The following FANCM variants were observed in gnomAD, a reference collection of about 807,000 sequenced individuals.
FANCM encodes FA complementation group M, also known as Fanconi anemia group M protein.
In FANCM, 140 loss-of-function variants were observed where a neutral mutation model predicts 199.5. The ratio of observed to expected loss-of-function variants is 0.70; its 90% CI spans 0.61 to 0.81. The LOEUF (loss-of-function observed/expected upper bound fraction) is 0.81, where lower values mean the gene tolerates loss of function less well. FANCM is among the 30% of genes least tolerant of loss of function. The probability of loss-of-function intolerance (pLI) is 0.00; values close to 1 mark genes in which losing one functional copy is unlikely to be tolerated. For synonymous variants in FANCM, 840 were observed against 836.8 expected, an observed-to-expected ratio of 1.00 and a Z score of -0.07; for missense variants, 2,410 against 2,421.4, an observed-to-expected ratio of 1.00 and a Z score of 0.10.
chr14:45,141,064 G>A (rs570992668), intron 3 of FANCM, among the ~76,000 whole-genome samples: 2 of 152,004 alleles, frequency 1.3e-5, no homozygotes, highest in South Asian at 2.1e-4. Context: ...CAAGGTGGGC[G>A]GATCACAAGG....
intron 16 of FANCM, among the ~76,000 whole-genome samples, chr14:45,183,439 ATCT>A (rs1473588470): frequency 5.3e-5 from 8 of 152,118 alleles, no homozygotes; most frequent in African/African-American, 1.9e-4. Flanking sequence ...GCCCTTGAAG[ATCT>A]TCTGAAGGAA....
rs761915062 is a variant in FANCM at position 45,154,006 on chromosome 14, G to A, written c.1137G>A (p.Met379Ile). 6.3e-7 allele frequency: 1 copy of A among 1,580,750 alleles called. No individual in the cohort carries two copies. Among genetic ancestry groups the A allele is most frequent in the Non-Finnish European group, 8.7e-7 (1 of 1,149,740 alleles). ...HGYELLQQMG[M>I]RSLYFFLCGI... is the part of the protein sequence containing the mutation. ...ATGAATTATTGCAGCAAATGGGAAT[G>A]AGATCATTATATTTCTTCCTTTGTG... The change falls in exon 6 of 23, where the codon ATG becomes ATA. Residue 379 changes from methionine (M) to isoleucine (I), a missense_variant. Met to Ile is a conservative substitution (Grantham distance 10). Transcript: ENST00000267430.
intron 12 of FANCM, 100 bp downstream of exon 12, chr14:45,170,846 A>G (rs2139227633): frequency 4.2e-6 from 4 of 957,540 alleles, no homozygotes; most frequent in African/African-American, 1.6e-5. Context: ...AGCTTTGGGA[A>G]TAATGAGATA....
chr14:45,141,453 T>G (rs1885937284), intron 3 of FANCM, among the ~76,000 whole-genome samples: 1 of 150,780 alleles, frequency 6.6e-6, no homozygotes. Context: ...TTTTTTTCAG[T>G]GGTTGCAGGA....
At chr14:45,192,260 T>G (rs1479062247) in intron 20 of FANCM, among the ~76,000 whole-genome samples, 1 of 152,186 alleles carries the variant, frequency 6.6e-6, no homozygotes, top group Non-Finnish European at 1.5e-5. Context: ...GGGCAAACAG[T>G]TAGGCTGATA....
At position 45,200,667 on chromosome 14, in the gene FANCM, C is replaced by G. The variant is rs1202194345; in HGVS notation, c.*659C>G. The stretch of plus-strand genomic sequence containing the variant: ...TATATTGGGGAGGGACCTCCTGGAA[C>G]GTGATTAGCTCATGGGGGCGGTTCC... On this transcript the variant is annotated 3_prime_UTR_variant, in exon 23 of 23. Coordinates refer to ENST00000267430, the MANE Select transcript of FANCM (RefSeq NM_020937.4). The G allele has an allele frequency of 1.3e-5, 2 of 152,234 alleles. No homozygotes were observed. Among genetic ancestry groups the G allele is most frequent in the African/African-American group, 4.8e-5 (2 of 41,428 alleles). 9.4% of individuals were successfully genotyped at this position (152,234 alleles called of 1,614,324 possible). A position where few individuals can be genotyped will look rare whatever the true frequency, so the allele number is the denominator to read the frequency against.
At chr14:45,139,356 G>A (rs1885750756) in intron 2 of FANCM, among the ~76,000 whole-genome samples, 1 of 152,108 alleles carries the variant, frequency 6.6e-6, no homozygotes, top group Non-Finnish European at 1.5e-5. Context: ...ATTTGTTTTT[G>A]TCTTGGGTTG....
Position 45,145,058 on chromosome 14 carries a change from C to A in FANCM, c.760-3779C>A, listed in dbSNP as rs1886264529. Among the ~76,000 whole-genome samples, 3 of 151,786 alleles carry A rather than the reference C, an allele frequency of 2.0e-5. No individual in the cohort carries two copies. In the South Asian group the frequency reaches 6.2e-4, roughly 32 times the overall value. ...TTTAGTCAGCAGGTAATGAATCTTG[C>A]CAGGACTGTGTTCTTCCCTTCAAGG... On this transcript the variant is annotated intron_variant, in intron 3 of 22. Coordinates refer to ENST00000267430, the MANE Select transcript of FANCM (RefSeq NM_020937.4).
In FANCM at chr14:45,196,528, A is replaced by G. The variant is rs754973680; in HGVS notation, c.5697A>G (p.Glu1899=). ...TTGAAAGAATATGTGTGATTGTGGA[A>G]AAGGACAGAGAAAAAACAGGTTTGT... ...SMFERICVIV[E]KDREKTGDTS... The change falls in exon 21 of 23, where the codon GAA becomes GAG. Residue 1899 remains glutamate, a synonymous_variant. Coordinates refer to ENST00000267430, the MANE Select transcript of FANCM (RefSeq NM_020937.4). 1.9e-6 allele frequency: 3 copies of G among 1,613,974 alleles called. No homozygotes were observed. Among genetic ancestry groups the G allele is most frequent in the Non-Finnish European group, 2.5e-6 (3 of 1,179,986 alleles).
intron 11 of FANCM, among the ~76,000 whole-genome samples, chr14:45,169,383 GT>G (rs202096596): frequency 0.012 from 1,584 of 137,596 alleles, 38 homozygotes; most frequent in Admixed American, 0.051. Flanking sequence ...TTATTTATTT[GT>G]TTTTTTTTTT....
chr14:45,160,104 A>G (rs1216659495), intron 9 of FANCM, among the ~76,000 whole-genome samples: 2 of 148,468 alleles, frequency 1.3e-5, no homozygotes, highest in Non-Finnish European at 3.0e-5. Context: ...AGGTTCAAGC[A>G]ATTCTCCTGC....
chr14:45,185,169 A>C, intron 17 of FANCM, 48 bp from the exon 18 acceptor site: 1 of 1,242,474 alleles, frequency 8.0e-7, no homozygotes. Context: ...ATGAAAGAAA[A>C]TTATTTTCTC....
At chr14:45,156,937 A>AT (rs1478571741) in intron 8 of FANCM, among the ~76,000 whole-genome samples, 14 of 151,176 alleles carry the variant, frequency 9.3e-5, no homozygotes, top group African/African-American at 2.7e-4. Context: ...AAAAAAAAAA[A>AT]AGGAAAAAAG....
At chr14:45,199,461 TCA>T (rs1361552669) in intron 22 of FANCM, among the ~76,000 whole-genome samples, 1 of 152,198 alleles carries the variant, frequency 6.6e-6, no homozygotes, top group Non-Finnish European at 1.5e-5. Context: ...TTCTACTGAG[TCA>T]CAGACTACTG....
Position 45,182,853 on chromosome 14 carries a change from C to T in FANCM, c.4387-921C>T, listed in dbSNP as rs140618935. Reference sequence around the variant, plus strand: ...ACAGCTTAGCCTAGCCTACCTTAAACGTGTTCAAAACACTTATATTTGGTC... The same window carrying T: ...ACAGCTTAGCCTAGCCTACCTTAAATGTGTTCAAAACACTTATATTTGGTC... On this transcript the variant is annotated intron_variant, in intron 16 of 22. Transcript: ENST00000267430. Among the ~76,000 whole-genome samples the T allele has an allele frequency of 3.1e-3, 474 of 152,180 alleles. 4 individuals are homozygous for T. Among genetic ancestry groups the T allele is most frequent in the African/African-American group, 0.011 (452 of 41,534 alleles).
At chr14:45,174,963 C>A in intron 13 of FANCM, 108 bp from the exon 14 acceptor site, 1 of 654,078 alleles carries the variant, frequency 1.5e-6, no homozygotes, top group Non-Finnish European at 2.6e-6. Flanking sequence ...ATCACTGGAA[C>A]AATGTAATAA....
rs1486948348 is a variant in FANCM, at chr14:45,140,621, T to A, written c.682-11T>A. On this transcript the variant is annotated splice_polypyrimidine_tract_variant and intron_variant, in intron 2 of 22. Coordinates refer to ENST00000267430, the MANE Select transcript of FANCM (RefSeq NM_020937.4). ...GAACAGATGAAACTAAAGAACTTTT[T>A]TTTTCTTAAGGTTGTAAGAGAACTA... 3.9e-6 allele frequency: 6 copies of A among 1,538,644 alleles called. No homozygotes were observed. In the East Asian group the frequency reaches 9.0e-5, roughly 23 times the overall value.
Position 45,176,286 on chromosome 14 carries a change from A to G in FANCM, c.3532A>G (p.Ile1178Val), listed in dbSNP as rs1888690490. The change falls in exon 14 of 23, where the codon ATT becomes GTT. Residue 1178 changes from isoleucine (I) to valine (V), a missense_variant. By Grantham distance (29) the Ile-to-Val change is conservative. Transcript: ENST00000267430. The stretch of plus-strand genomic sequence containing the variant: ...AACGCCTCTGGTCTCTCAGTTCTTA[A>G]TTTCTGATGAACTTTTGTTGGACAA... ...SETPLVSQFL[I>V]SDELLLDNNS... 2 of 1,613,970 alleles carry G rather than the reference A, an allele frequency of 1.2e-6. No homozygotes were observed. The highest frequency in any genetic ancestry group is 1.6e-4 in the Middle Eastern group (1 of 6,084).
At chr14:45,149,229 G>C (rs1239406268) in intron 4 of FANCM, among the ~76,000 whole-genome samples, 1 of 151,950 alleles carries the variant, frequency 6.6e-6, no homozygotes, top group Non-Finnish European at 1.5e-5. Flanking sequence ...GCAAATAATA[G>C]CCTTACATGG....
Sources: gnomAD v4.1 joint callset for allele counts (sites outside exome capture counted in the v4.1 genomes callset) on GRCh38, gnomAD v4.1.1 for gene constraint, MANE v1.5 for transcripts, NCBI Gene and HGNC (gene_info 2026-07-23, HGNC 2026-07-21) for gene names.